Variants in PCNX1 observed in about 807,000 individuals in gnomAD.
The protein encoded by PCNX1 is pecanex-like protein 1.
In PCNX1, 78 loss-of-function variants were observed where a neutral mutation model predicts 242.2. That is an observed-to-expected ratio of 0.32 (90% CI 0.27 to 0.39). PCNX1 has a LOEUF of 0.39. Among genes scored for constraint, PCNX1 ranks in the 10% least tolerant of loss-of-function variants. The pLI, the probability that PCNX1 is intolerant of heterozygous loss-of-function variation, is 1.00. For missense variants in PCNX1, 2,581 were observed against 2,856.5 expected (o/e 0.90, Z 2.20); for synonymous variants, 1,024 against 1,032.9 (o/e 0.99, Z 0.17).
At position 70,978,437 on chromosome 14, in the gene PCNX1, T is replaced by C. The variant is rs780520227; in HGVS notation, c.2100T>C (p.Cys700=). Residue 700 remains cysteine, a synonymous_variant, in exon 6 of 36, where the codon TGT becomes TGC. Transcript: ENST00000304743. ...GCCTGGACAGTGGCACAGTAGCATG[T>C]TTGAATGACTCAAACAGGTTAATGG... ...VLSLDSGTVA[C]LNDSNRLMAP... The C allele has an allele frequency of 1.2e-6, 2 of 1,614,172 alleles. No individual in the cohort carries two copies. Among genetic ancestry groups the C allele is most frequent in the Non-Finnish European group, 1.7e-6 (2 of 1,180,008 alleles).
At chr14:71,041,360 A>T (rs1566736755) in intron 19 of PCNX1, among the ~76,000 whole-genome samples, 1 of 152,058 alleles carries the variant, frequency 6.6e-6, no homozygotes, top group Non-Finnish European at 1.5e-5. Context: ...ACTTTTTATT[A>T]TGGCTTTGAT....
intron 33 of PCNX1, among the ~76,000 whole-genome samples, chr14:71,107,757 G>T (rs2062664081): frequency 6.6e-6 from 1 of 152,206 alleles, no homozygotes. Context: ...GGTAGAAGTT[G>T]AAAGGGCAGT....
chr14:70,924,243 AAAAAAAG>A (rs1325211930), intron 1 of PCNX1, among the ~76,000 whole-genome samples: 2 of 151,606 alleles, frequency 1.3e-5, no homozygotes, highest in African/African-American at 4.8e-5. Flanking sequence ...AAAAAAAAAA[AAAAAAAG>A]AAAAAGAAAA....
chr14:70,933,912 G>A (rs2140181991), intron 1 of PCNX1, among the ~76,000 whole-genome samples: 1 of 152,310 alleles, frequency 6.6e-6, no homozygotes, highest in Non-Finnish European at 1.5e-5. Flanking sequence ...TTGGAGAACA[G>A]CTACAAGTAT....
At chr14:71,015,261 A>G (rs1160228953) in intron 11 of PCNX1, among the ~76,000 whole-genome samples, 1 of 152,226 alleles carries the variant, frequency 6.6e-6, no homozygotes, top group Non-Finnish European at 1.5e-5. Flanking sequence ...ACCCAAAGGA[A>G]CAAAGATAAA....
intron 16 of PCNX1, among the ~76,000 whole-genome samples, chr14:71,031,250 G>T (rs114430459): frequency 5.6e-4 from 85 of 152,338 alleles, no homozygotes; most frequent in South Asian, 2.3e-3. Context: ...CTCCCTGGAA[G>T]TGTCTGTCCC....
intron 11 of PCNX1, among the ~76,000 whole-genome samples, chr14:71,015,346 T>G (rs2059933803): frequency 1.3e-5 from 2 of 152,208 alleles, no homozygotes; most frequent in South Asian, 4.2e-4. Flanking sequence ...AAGAGGTAAC[T>G]GTTTAAATGA....
rs779957546 is a variant in PCNX1, at chr14:70,977,070, C to T, written c.733C>T (p.His245Tyr). ...CAGTGACAAAGTGAACCTGCCAAGT[C>T]ATAACCACCACCACCATGTTGATCA... Reference protein sequence around the residue: ...DFSDKVNLPSHNHHHHVDQSL... With the variant: ...DFSDKVNLPSYNHHHHVDQSL... Residue 245 changes from histidine to tyrosine, a missense_variant, in exon 6 of 36, where the codon CAT (histidine) becomes TAT (tyrosine). This residue lies in a region of PCNX1 where 1,204 missense variants were observed against 1,216.7 expected (regional missense o/e 0.99). Coordinates refer to ENST00000304743, the MANE Select transcript of PCNX1 (RefSeq NM_014982.3). 1 of 1,614,164 alleles carries T rather than the reference C, an allele frequency of 6.2e-7. No individual in the cohort carries two copies. The highest frequency in any genetic ancestry group is 8.5e-7 in the Non-Finnish European group (1 of 1,180,036).
At chr14:71,023,298 G>T in intron 13 of PCNX1, 66 bp downstream of exon 13, 1 of 1,267,922 alleles carries the variant, frequency 7.9e-7, no homozygotes, top group Non-Finnish European at 1.1e-6. Context: ...TTTGTGGTTT[G>T]TTTTTTGTTT....
At chr14:71,082,131 G>A (rs1287983116) in intron 28 of PCNX1, among the ~76,000 whole-genome samples, 3 of 152,124 alleles carry the variant, frequency 2.0e-5, no homozygotes, top group Non-Finnish European at 4.4e-5. Context: ...TAGTCATTCA[G>A]GGGCAGGTTT....
intron 1 of PCNX1, among the ~76,000 whole-genome samples, chr14:70,935,730 CTT>C (rs1331975009): frequency 6.6e-6 from 1 of 152,124 alleles, no homozygotes; most frequent in African/African-American, 2.4e-5. Context: ...CAGTGGAACT[CTT>C]TATTTTTTGA....
intron 1 of PCNX1, among the ~76,000 whole-genome samples, chr14:70,922,413 G>A (rs1214027187): frequency 6.6e-6 from 1 of 151,884 alleles, no homozygotes; most frequent in Non-Finnish European, 1.5e-5. Context: ...TTTAATAGGG[G>A]AGAATTTTAT....
At chr14:71,098,532 GT>G (rs1302762373) in intron 30 of PCNX1, among the ~76,000 whole-genome samples, 2 of 132,574 alleles carry the variant, frequency 1.5e-5, no homozygotes, top group African/African-American at 2.9e-5. Context: ...GTGTGTGTGT[GT>G]GTGTGTGTGT....
chr14:71,107,123 T>C (rs909704357), intron 33 of PCNX1, among the ~76,000 whole-genome samples: 12 of 152,314 alleles, frequency 7.9e-5, no homozygotes, highest in African/African-American at 2.9e-4. Flanking sequence ...TGTCTCCATA[T>C]GGCTGGGCAG....
chr14:70,958,636 AC>A (rs1261230294), intron 2 of PCNX1, among the ~76,000 whole-genome samples: 5 of 152,066 alleles, frequency 3.3e-5, no homozygotes, highest in African/African-American at 4.8e-5. Context: ...TGGCTGCAGC[AC>A]CTCCAGGCCT....
chr14:70,948,967 A>G (rs1037839560), intron 2 of PCNX1, among the ~76,000 whole-genome samples: 5 of 148,156 alleles, frequency 3.4e-5, no homozygotes, highest in African/African-American at 1.2e-4. Context: ...ATATGTGTAT[A>G]TACACTTATA....
chr14:70,949,428 CGT>C (rs1163299864), intron 2 of PCNX1, among the ~76,000 whole-genome samples: 1 of 150,442 alleles, frequency 6.6e-6, no homozygotes, highest in Non-Finnish European at 1.5e-5. Context: ...CATATATACA[CGT>C]ATATATGTGT....
intron 30 of PCNX1, among the ~76,000 whole-genome samples, chr14:71,097,165 T>C (rs1595497617): frequency 6.6e-6 from 1 of 152,200 alleles, no homozygotes; most frequent in Admixed American, 6.5e-5. Context: ...TATGGCTGCG[T>C]AGTATTCCAT....
At chr14:71,010,303 ACTTACTCTTCAT>A (rs2059788050) in intron 9 of PCNX1, among the ~76,000 whole-genome samples, 1 of 152,070 alleles carries the variant, frequency 6.6e-6, no homozygotes, top group East Asian at 1.9e-4. Flanking sequence ...GCTAATCAGG[ACTTACTCTTCAT>A]GTAAGTTCTT....
Sources: gnomAD v4.1 joint callset for allele counts (sites outside exome capture counted in the v4.1 genomes callset) on GRCh38, gnomAD v4.1.1 for gene constraint, gnomAD v4.1.1 regional missense constraint, MANE v1.5 for transcripts, NCBI Gene and HGNC (gene_info 2026-07-23, HGNC 2026-07-21) for gene names.